Variants in CACUL1 observed in about 807,000 individuals in gnomAD.
The protein encoded by CACUL1 is CDK2-associated and cullin domain-containing protein 1.
In CACUL1, 13 loss-of-function variants were observed where a neutral mutation model predicts 45.2. That is an observed-to-expected ratio of 0.29 (90% CI 0.19 to 0.46). The LOEUF (loss-of-function observed/expected upper bound fraction) is 0.46. CACUL1 is among the 20% of genes least tolerant of loss of function. The pLI is 1.00. For synonymous variants in CACUL1, 197 were observed against 174.2 expected, an observed-to-expected ratio of 1.13 and a Z score of -1.03; for missense variants, 421 against 471.4, an observed-to-expected ratio of 0.89 and a Z score of 0.99.
intron 1 of CACUL1, among the ~76,000 whole-genome samples, chr10:118,751,948 A>G (rs1845902373): frequency 6.6e-6 from 1 of 152,130 alleles, no homozygotes; most frequent in South Asian, 2.1e-4. Flanking sequence ...ATTATTACAT[A>G]TAGTATTTAC....
intron 5 of CACUL1, among the ~76,000 whole-genome samples, chr10:118,699,253 A>G (rs2119569928): frequency 6.6e-6 from 1 of 152,328 alleles, no homozygotes; most frequent in Non-Finnish European, 1.5e-5. Flanking sequence ...ACTGCTCAAT[A>G]AGTATCTGAT....
chr10:118,700,456 G>A (rs528861967), intron 5 of CACUL1, among the ~76,000 whole-genome samples: 113 of 152,176 alleles, frequency 7.4e-4, no homozygotes, highest in African/African-American at 2.6e-3. Context: ...AGTGGCTCAC[G>A]CCTGTAATCC....
chr10:118,753,693 T>C lies in CACUL1; in HGVS notation c.367+703A>G, dbSNP rs1200953131. On this transcript the variant is annotated intron_variant, in intron 1 of 8. Coordinates refer to ENST00000369151, the MANE Select transcript of CACUL1 (RefSeq NM_153810.5). ...CAGACTACTAACATAAAGTTCAACA[T>C]GCAACCCAATCTTGGGTTTGGACAC... 2.6e-5 allele frequency among the ~76,000 whole-genome samples: 4 copies of C among 152,344 alleles called. No homozygotes were observed. The East Asian group carries it at 7.7e-4, about 29-fold the overall frequency.
intron 3 of CACUL1, among the ~76,000 whole-genome samples, chr10:118,711,403 T>G (rs1845484256): frequency 6.6e-6 from 1 of 152,230 alleles, no homozygotes; most frequent in African/African-American, 2.4e-5. Flanking sequence ...AAAAGCATTC[T>G]TTGTTAACTA....
chr10:118,686,249 A>G, intron 8 of CACUL1, 81 bp from the exon 9 acceptor site: 1 of 1,169,282 alleles, frequency 8.6e-7, no homozygotes, highest in South Asian at 1.2e-5. Flanking sequence ...TTCAACACAC[A>G]TTTCTCACTC....
intron 1 of CACUL1, among the ~76,000 whole-genome samples, chr10:118,731,238 G>A (rs1845694821): frequency 1.3e-5 from 2 of 152,136 alleles, no homozygotes; most frequent in Non-Finnish European, 2.9e-5. Context: ...TACCTCAGGA[G>A]TAACAACAAC....
intron 1 of CACUL1, 28 bp downstream of exon 1, chr10:118,754,368 C>T (rs1845931901): frequency 1.2e-5 from 18 of 1,488,020 alleles, no homozygotes; most frequent in Non-Finnish European, 1.5e-5. Context: ...GGAGAAAAGC[C>T]AAGGCTGCAG....
chr10:118,707,265 C>T (rs1021005662), intron 4 of CACUL1, among the ~76,000 whole-genome samples: 4 of 152,122 alleles, frequency 2.6e-5, no homozygotes, highest in African/African-American at 2.4e-5. Context: ...AATCTTAATG[C>T]CTACTTGTCT....
Position 118,707,501 on chromosome 10 carries a change from GA to G in CACUL1, c.683del (p.Phe228SerfsTer4). 1 of 1,504,128 alleles carries G rather than the reference GA, an allele frequency of 6.6e-7. No homozygotes were observed. The highest frequency in any genetic ancestry group is 9.2e-7 in the Non-Finnish European group (1 of 1,081,442). 93.2% of individuals were successfully genotyped at this position (1,504,128 alleles called of 1,614,324 possible). ...AGGAGCTCTTACTTACCATATATATGAAAAGAGGCACAATGCTCTGCAATGC... is the reference window on the plus strand; with the variant it reads ...AGGAGCTCTTACTTACCATATATATGAAAGAGGCACAATGCTCTGCAATGC... ...MGALQSIVPL[F>X]IYMNKFYIET... On this transcript the variant is annotated frameshift_variant, in exon 4 of 9. Transcript: ENST00000369151. LOFTEE classifies it high-confidence loss of function.
At chr10:118,728,535 TG>T (rs1845672859) in intron 3 of CACUL1, among the ~76,000 whole-genome samples, 1 of 152,128 alleles carries the variant, frequency 6.6e-6, no homozygotes, top group Non-Finnish European at 1.5e-5. Flanking sequence ...GTGATCTACC[TG>T]TCTCGGCCTC....
chr10:118,698,507 G>A lies in CACUL1; in HGVS notation c.796+2799C>T, dbSNP rs149873426. Among the ~76,000 whole-genome samples, 1,149 of 152,182 alleles carry A rather than the reference G, an allele frequency of 7.6e-3. 8 individuals carry two copies. The highest frequency in any genetic ancestry group is 0.02 in the Middle Eastern group (6 of 294). Reference sequence around the variant, plus strand: ...CTGGAATTTGGGCTCTGTGACCCTCGCCCAGCAGAATACAGCAAAAGTGGC... The same window carrying A: ...CTGGAATTTGGGCTCTGTGACCCTCACCCAGCAGAATACAGCAAAAGTGGC... On this transcript the variant is annotated intron_variant, in intron 5 of 8. Transcript: ENST00000369151.
At chr10:118,736,237 T>G (rs1179340241) in intron 1 of CACUL1, among the ~76,000 whole-genome samples, 2 of 152,096 alleles carry the variant, frequency 1.3e-5, no homozygotes, top group Non-Finnish European at 2.9e-5. Flanking sequence ...CAGAAAAAAT[T>G]TTATCAGGAT....
chr10:118,736,125 A>G (rs915541186), intron 1 of CACUL1, among the ~76,000 whole-genome samples: 10 of 152,198 alleles, frequency 6.6e-5, no homozygotes, highest in African/African-American at 2.4e-4. Context: ...GCTGAAGGCC[A>G]AGAACATAAC....
chr10:118,754,284 G>A, intron 1 of CACUL1, 112 bp downstream of exon 1: 1 of 1,407,052 alleles, frequency 7.1e-7, no homozygotes, highest in East Asian at 2.8e-5. Flanking sequence ...GGGGAGAAGA[G>A]GAAAGACCGA....
rs557270366 is a variant in CACUL1 at position 118,682,856 on chromosome 10, C to T, written c.*3272G>A. 6 of 152,610 alleles carry T rather than the reference C, an allele frequency of 3.9e-5. No homozygotes were observed. The East Asian group carries it at 1.2e-3, about 29-fold the overall frequency. 9.5% of individuals were successfully genotyped at this position (152,610 alleles called of 1,614,324 possible). On this transcript the variant is annotated 3_prime_UTR_variant, in exon 9 of 9. Transcript: ENST00000369151. ...CCCACAAATTAGCTTTCACTCTAGA[C>T]CCCAAAGGGAGGGTAATTGCTGCAA...
chr10:118,717,331 T>A (rs1050674153), intron 3 of CACUL1, among the ~76,000 whole-genome samples: 1 of 152,208 alleles, frequency 6.6e-6, no homozygotes, highest in Admixed American at 6.5e-5. Flanking sequence ...GCACTAACAT[T>A]TTAACATTAA....
intron 7 of CACUL1, among the ~76,000 whole-genome samples, chr10:118,689,706 A>T: frequency 6.6e-6 from 1 of 151,446 alleles, no homozygotes; most frequent in East Asian, 1.9e-4. Context: ...TAAACCAAGC[A>T]GTCCTGCACC....
chr10:118,753,545 C>T (rs913044711), intron 1 of CACUL1, among the ~76,000 whole-genome samples: 5 of 152,244 alleles, frequency 3.3e-5, no homozygotes, highest in African/African-American at 1.2e-4. Flanking sequence ...TACACACAAA[C>T]CAAAGTAAAA....
chr10:118,704,214 GAA>G (rs563822145), intron 4 of CACUL1, among the ~76,000 whole-genome samples: 8 of 129,676 alleles, frequency 6.2e-5, no homozygotes, highest in Admixed American at 7.9e-5. Flanking sequence ...CATCGCTACT[GAA>G]AAAAAAAAAA....
Sources: gnomAD v4.1 joint callset for allele counts (sites outside exome capture counted in the v4.1 genomes callset) on GRCh38, gnomAD v4.1.1 for gene constraint, MANE v1.5 for transcripts, NCBI Gene and HGNC (gene_info 2026-07-23, HGNC 2026-07-21) for gene names.